Variants in SORCS2 observed in about 807,000 individuals in gnomAD.
SORCS2 encodes the protein VPS10 domain-containing receptor SorCS2.
A neutral mutation model predicts 141.6 loss-of-function variants in SORCS2; 100 were observed. The ratio of observed to expected loss-of-function variants is 0.71; its 90% CI spans 0.60 to 0.83. The LOEUF is 0.83. SORCS2 is among the 40% of genes least tolerant of loss of function. The pLI is 0.00. For synonymous variants in SORCS2, 789 were observed against 676.9 expected (o/e 1.17, Z -2.57); for missense variants, 1,646 against 1,560.2 (o/e 1.05, Z -0.93).
chr4:7,303,518 T>C (rs1172901849), intron 1 of SORCS2, among the ~76,000 whole-genome samples: 1 of 152,232 alleles, frequency 6.6e-6, no homozygotes, highest in East Asian at 1.9e-4. Context: ...AGGTCAACTC[T>C]GGTTCTTTCT....
At chr4:7,414,315 A>G (rs1314493644) in intron 2 of SORCS2, among the ~76,000 whole-genome samples, 1 of 152,144 alleles carries the variant, frequency 6.6e-6, no homozygotes, top group African/African-American at 2.4e-5. Context: ...ACCCCCGGGC[A>G]TGCTGGGATA....
chr4:7,303,586 GC>G (rs899475724), intron 1 of SORCS2, among the ~76,000 whole-genome samples: 1 of 152,166 alleles, frequency 6.6e-6, no homozygotes, highest in African/African-American at 2.4e-5. Flanking sequence ...GTGAATTTCG[GC>G]GTTTGGTGAT....
intron 1 of SORCS2, among the ~76,000 whole-genome samples, chr4:7,250,386 C>A (rs1713414546): frequency 6.6e-6 from 1 of 152,234 alleles, no homozygotes; most frequent in African/African-American, 2.4e-5. Context: ...CCACGGATCC[C>A]CTTTAACGGG....
At position 7,278,192 on chromosome 4, in the gene SORCS2, G is replaced by A. The variant is rs139822704; in HGVS notation, c.480+85066G>A. Among the ~76,000 whole-genome samples, 20 of 152,260 alleles carry A rather than the reference G, an allele frequency of 1.3e-4. No individual in the cohort carries two copies. In the East Asian group the frequency reaches 1.5e-3, roughly 12 times the overall value. On this transcript the variant is annotated intron_variant, in intron 1 of 26. Transcript: ENST00000507866. ...AGCAGGAGCTGTGTTCATCAATAGC[G>A]TGTAAGTCCCCACCTGGTGGGAGGA...
At position 7,654,240 on chromosome 4, in the gene SORCS2, GC is replaced by G. The variant is rs910549438; in HGVS notation, c.887+36del. On this transcript the variant is annotated intron_variant, in intron 5 of 26. Coordinates refer to ENST00000507866, the MANE Select transcript of SORCS2 (RefSeq NM_020777.3). ...CACTTCCCCACCCCAAACCCATGGG[GC>G]CCGCAGCTCTGGTGAGAGCACTTCC... 3.2e-6 allele frequency: 5 copies of G among 1,554,734 alleles called. No homozygotes were observed. The African/African-American group carries it at 5.4e-5, about 17-fold the overall frequency.
chr4:7,506,853 AC>A (rs1258057903), intron 2 of SORCS2, among the ~76,000 whole-genome samples: 1 of 152,214 alleles, frequency 6.6e-6, no homozygotes, highest in Non-Finnish European at 1.5e-5. Flanking sequence ...CAGATACAAA[AC>A]AACAAACAAA....
intron 2 of SORCS2, among the ~76,000 whole-genome samples, chr4:7,469,123 C>T (rs574629061): frequency 7.2e-6 from 1 of 138,026 alleles, no homozygotes; most frequent in Non-Finnish European, 1.5e-5. Context: ...GGTGATGGTG[C>T]TGATAGTGGT....
At chr4:7,529,879 A>AGG (rs1485656642) in intron 2 of SORCS2, among the ~76,000 whole-genome samples, 1 of 152,170 alleles carries the variant, frequency 6.6e-6, no homozygotes, top group African/African-American at 2.4e-5. Flanking sequence ...TGGGGAGACC[A>AGG]GGGGCAGACA....
At chr4:7,299,025 C>A (rs2108894854) in intron 1 of SORCS2, among the ~76,000 whole-genome samples, 1 of 152,378 alleles carries the variant, frequency 6.6e-6, no homozygotes, top group Non-Finnish European at 1.5e-5. Flanking sequence ...CACAAAAGGG[C>A]CGTTCTGGCC....
chr4:7,676,361 G>T (rs926573353), intron 9 of SORCS2, 132 bp downstream of exon 9: 74 of 925,076 alleles, frequency 8.0e-5, no homozygotes, highest in Non-Finnish European at 1.1e-4. Context: ...CACATCTTCT[G>T]TACACAGCCA....
chr4:7,265,999 G>T (rs546894339), intron 1 of SORCS2, among the ~76,000 whole-genome samples: 1 of 152,120 alleles, frequency 6.6e-6, no homozygotes, highest in Non-Finnish European at 1.5e-5. Flanking sequence ...CTCTTCCTCC[G>T]TGTCATCCTA....
At chr4:7,242,923 C>T (rs555721578) in intron 1 of SORCS2, among the ~76,000 whole-genome samples, 5 of 152,314 alleles carry the variant, frequency 3.3e-5, no homozygotes, top group East Asian at 1.9e-4. Flanking sequence ...ACCGGGAAAA[C>T]GCTGGTTGGA....
chr4:7,349,251 C>G (rs191800354), intron 1 of SORCS2, among the ~76,000 whole-genome samples: 104 of 152,320 alleles, frequency 6.8e-4, no homozygotes, highest in African/African-American at 2.4e-3. Flanking sequence ...CCTGTCCACC[C>G]CTGCCGTAGG....
chr4:7,517,405 G>A (rs1273346824), intron 2 of SORCS2, among the ~76,000 whole-genome samples: 1 of 152,140 alleles, frequency 6.6e-6, no homozygotes, highest in African/African-American at 2.4e-5. Flanking sequence ...ATGTTTTAAA[G>A]TAGAATTCCC....
intron 3 of SORCS2, among the ~76,000 whole-genome samples, chr4:7,559,026 T>G (rs1309462860): frequency 6.6e-6 from 1 of 152,230 alleles, no homozygotes; most frequent in Non-Finnish European, 1.5e-5. Context: ...CTCTGTGTTT[T>G]GAGCCACTAC....
At chr4:7,666,060 G>A (rs1344656807) in intron 7 of SORCS2, among the ~76,000 whole-genome samples, 3 of 152,116 alleles carry the variant, frequency 2.0e-5, no homozygotes, top group East Asian at 1.9e-4. Context: ...GATGTGAGGA[G>A]GTGAGGTCCT....
At chr4:7,256,786 G>T (rs577996966) in intron 1 of SORCS2, among the ~76,000 whole-genome samples, 115 of 149,510 alleles carry the variant, frequency 7.7e-4, no homozygotes, top group African/African-American at 2.8e-3. Flanking sequence ...AGCATGAGCA[G>T]ACATGCTGGG....
intron 3 of SORCS2, among the ~76,000 whole-genome samples, chr4:7,537,031 G>A (rs1045956165): frequency 4.6e-5 from 7 of 152,122 alleles, no homozygotes; most frequent in South Asian, 2.1e-4. Flanking sequence ...GTCATGCTCC[G>A]GGCTCCTGAG....
chr4:7,350,747 T>A (rs1720890201), intron 1 of SORCS2, among the ~76,000 whole-genome samples: 1 of 152,240 alleles, frequency 6.6e-6, no homozygotes, highest in Non-Finnish European at 1.5e-5. Context: ...AACATGCTGT[T>A]GGTCACACTG....
Sources: gnomAD v4.1 joint callset for allele counts (sites outside exome capture counted in the v4.1 genomes callset) on GRCh38, gnomAD v4.1.1 for gene constraint, MANE v1.5 for transcripts, NCBI Gene and HGNC (gene_info 2026-07-23, HGNC 2026-07-21) for gene names.